Variants in FIP1L1 observed in about 807,000 individuals in gnomAD.
The protein encoded by FIP1L1 is pre-mRNA 3'-end-processing factor FIP1.
Under a neutral mutation model 84.6 loss-of-function variants are expected in FIP1L1, and 21 were observed. That is an observed-to-expected ratio of 0.25 (90% confidence interval 0.18 to 0.36). FIP1L1 has a LOEUF of 0.36. FIP1L1 is among the 10% of genes least tolerant of loss of function. The probability of loss-of-function intolerance (pLI) is 1.00; values close to 1 mark genes in which losing one functional copy is unlikely to be tolerated. For synonymous variants in FIP1L1, 263 were observed against 242.3 expected (o/e 1.09, Z -0.80); for missense variants, 526 against 751.1 (o/e 0.70, Z 3.50).
intron 9 of FIP1L1, among the ~76,000 whole-genome samples, chr4:53,392,090 A>G (rs1744553544): frequency 6.6e-6 from 1 of 152,260 alleles, no homozygotes; most frequent in Admixed American, 6.5e-5. Context: ...AACTTGTATA[A>G]CAAGTCTGAT....
intron 11 of FIP1L1, among the ~76,000 whole-genome samples, chr4:53,417,642 C>CAAAA (rs57635694): frequency 3.2e-3 from 149 of 46,282 alleles, no homozygotes; most frequent in African/African-American, 4.6e-3. Flanking sequence ...AACTCCTTCT[C>CAAAA]AAAAAAAAAA....
intron 9 of FIP1L1, among the ~76,000 whole-genome samples, chr4:53,399,335 T>C (rs571038802): frequency 6.6e-5 from 10 of 152,346 alleles, no homozygotes; most frequent in African/African-American, 1.9e-4. Flanking sequence ...GGTCACCTAT[T>C]GTTTTCTTAG....
rs199606018 is a variant in FIP1L1 at position 53,391,180 on chromosome 4, C to T, written c.636+41C>T. 254 of 1,564,930 alleles carry T rather than the reference C, an allele frequency of 1.6e-4. 3 individuals carry two copies. In the South Asian group the frequency reaches 2.3e-3, roughly 14 times the overall value. Reference sequence around the variant, plus strand: ...TCCGGAATACCCTTGGCTTGTCTACCGTCCCACTTTTACTCCCCAAATAAA... The same window carrying T: ...TCCGGAATACCCTTGGCTTGTCTACTGTCCCACTTTTACTCCCCAAATAAA... On this transcript the variant is annotated intron_variant, in intron 8 of 17. Transcript: ENST00000337488.
chr4:53,390,219 T>G (rs1289647451), intron 6 of FIP1L1, among the ~76,000 whole-genome samples: 1 of 152,162 alleles, frequency 6.6e-6, no homozygotes, highest in East Asian at 1.9e-4. Context: ...GGATTCCATG[T>G]GTGAGCCACT....
chr4:53,377,800 GC>G lies in FIP1L1; in HGVS notation c.-38del. 6.6e-7 allele frequency: 1 copy of G among 1,514,964 alleles called. No homozygotes were observed. The highest frequency in any genetic ancestry group is 8.9e-7 in the Non-Finnish European group (1 of 1,125,726). 93.8% of individuals were successfully genotyped at this position (1,514,964 alleles called of 1,614,324 possible). A position where few individuals can be genotyped will look rare whatever the true frequency, so the allele number is the denominator to read the frequency against. ...GAGGCTGGGGAAGGGGTTGGAGGGG[GC>G]TGTTGATCGCCGCGTTTAAGTTGCG... On this transcript the variant is annotated 5_prime_UTR_variant, in exon 1 of 18. The change creates a premature stop within an existing upstream ORF in the 5' untranslated region. Coordinates refer to ENST00000337488, the MANE Select transcript of FIP1L1 (RefSeq NM_030917.4).
At chr4:53,429,718 G>A (rs1366512309) in intron 13 of FIP1L1, among the ~76,000 whole-genome samples, 2 of 151,466 alleles carry the variant, frequency 1.3e-5, no homozygotes, top group Non-Finnish European at 2.9e-5. Context: ...ATGTTTATGG[G>A]GTACAATGTG....
At chr4:53,405,263 G>A (rs981095813) in intron 10 of FIP1L1, among the ~76,000 whole-genome samples, 2 of 151,864 alleles carry the variant, frequency 1.3e-5, no homozygotes, top group African/African-American at 4.8e-5. Context: ...TATTAAATAG[G>A]GAATCCTTTC....
At chr4:53,412,889 T>G (rs1045313498) in intron 10 of FIP1L1, among the ~76,000 whole-genome samples, 3 of 152,130 alleles carry the variant, frequency 2.0e-5, no homozygotes, top group Non-Finnish European at 4.4e-5. Context: ...TGCAAAATAG[T>G]GATTATGTAA....
In FIP1L1 at chr4:53,383,887, T is replaced by G. The variant is rs111886527; in HGVS notation, c.332+11T>G. The G allele has an allele frequency of 1.2e-3, 1,938 of 1,607,996 alleles. 28 individuals are homozygous for G. In the African/African-American group the frequency reaches 0.023, roughly 19 times the overall value. On this transcript the variant is annotated intron_variant, in intron 5 of 17. Coordinates refer to ENST00000337488, the MANE Select transcript of FIP1L1 (RefSeq NM_030917.4). Reference sequence around the variant, plus strand: ...AGCACCACAGTATGGGTAAGTTATTTTTTAGTAAGTAACAATTGTGTAAAT... The same window carrying G: ...AGCACCACAGTATGGGTAAGTTATTGTTTAGTAAGTAACAATTGTGTAAAT...
At position 53,406,087 on chromosome 4, in the gene FIP1L1, A is replaced by C. The variant is rs530922201; in HGVS notation, c.815+6248A>C. 8.8e-3 allele frequency among the ~76,000 whole-genome samples: 1,345 copies of C among 152,134 alleles called. 21 individuals are homozygous for C. The highest frequency in any genetic ancestry group is 0.03 in the African/African-American group (1,237 of 41,460). On this transcript the variant is annotated intron_variant, in intron 10 of 17. Coordinates refer to ENST00000337488, the MANE Select transcript of FIP1L1 (RefSeq NM_030917.4). ...AGAGAGGGCATCCCTGTCTTGTGCC[A>C]GTTTTCAAAGGGAATGCTTCCAGTT...
intron 11 of FIP1L1, among the ~76,000 whole-genome samples, chr4:53,416,288 A>C (rs1012839406): frequency 3.3e-5 from 5 of 152,256 alleles, no homozygotes; most frequent in Non-Finnish European, 7.3e-5. Flanking sequence ...TTATAAATTT[A>C]TCATGCTATT....
chr4:53,428,983 G>A (rs932054383), intron 13 of FIP1L1, among the ~76,000 whole-genome samples: 3 of 152,148 alleles, frequency 2.0e-5, no homozygotes, highest in African/African-American at 7.2e-5. Context: ...AATCAAATCA[G>A]TTTATACTAG....
At chr4:53,385,538 T>C (rs558640024) in intron 5 of FIP1L1, among the ~76,000 whole-genome samples, 1 of 152,268 alleles carries the variant, frequency 6.6e-6, no homozygotes, top group African/African-American at 2.4e-5. Flanking sequence ...TTATGGAGTT[T>C]TCTATTCCTC....
intron 3 of FIP1L1, among the ~76,000 whole-genome samples, chr4:53,381,920 G>A (rs1283703141): frequency 6.8e-6 from 1 of 147,764 alleles, no homozygotes; most frequent in African/African-American, 2.6e-5. Context: ...CCGCCACCAT[G>A]CCTGGCTAAT....
At position 53,379,116 on chromosome 4, in the gene FIP1L1, A is replaced by G. The variant is rs1736392319; in HGVS notation, c.129A>G (p.Leu43=). The change falls in exon 2 of 18, where the codon CTA becomes CTG. Residue 43 remains leucine (L), a splice_region_variant and synonymous_variant. Transcript: ENST00000337488. ...TGCACAGTGATTTGGCAAAGGACCT[A>G]GGTTAGTGCTTGTGATGATCACTTC... ...VHVHSDLAKD[L]DENEVERPEE... The G allele has an allele frequency of 1.2e-6, 2 of 1,614,002 alleles. No homozygotes were observed. The highest frequency in any genetic ancestry group is 1.3e-5 in the African/African-American group (1 of 74,956).
chr4:53,402,608 G>A (rs574524465), intron 10 of FIP1L1, among the ~76,000 whole-genome samples: 9 of 152,236 alleles, frequency 5.9e-5, no homozygotes, highest in South Asian at 4.1e-4. Flanking sequence ...AGGCTGAGGC[G>A]GGAGAGTCAC....
At chr4:53,383,921 G>A in intron 5 of FIP1L1, 45 bp downstream of exon 5, 1 of 1,563,698 alleles carries the variant, frequency 6.4e-7, no homozygotes. Context: ...ATGCTATATA[G>A]TAAGGAGAGT....
intron 14 of FIP1L1, among the ~76,000 whole-genome samples, chr4:53,443,377 A>G (rs1772832656): frequency 6.6e-6 from 1 of 152,118 alleles, no homozygotes; most frequent in Non-Finnish European, 1.5e-5. Context: ...TACTGAATAT[A>G]AAGTGCAAGT....
At chr4:53,443,497 TAA>T in intron 14 of FIP1L1, among the ~76,000 whole-genome samples, 1 of 152,136 alleles carries the variant, frequency 6.6e-6, no homozygotes. Flanking sequence ...TCAAATAATG[TAA>T]AAAGGCAAAA....
Sources: gnomAD v4.1 joint callset for allele counts (sites outside exome capture counted in the v4.1 genomes callset) on GRCh38, gnomAD v4.1.1 for gene constraint, MANE v1.5 for transcripts, NCBI Gene and HGNC (gene_info 2026-07-23, HGNC 2026-07-21) for gene names.